The following ZZEF1 variants were observed in gnomAD, a reference collection of about 807,000 sequenced individuals.
ZZEF1 encodes zinc finger ZZ-type and EF-hand domain containing 1, also known as zinc finger ZZ-type and EF-hand domain-containing protein 1.
A neutral mutation model predicts 342.8 loss-of-function variants in ZZEF1; 157 were observed. That is an observed-to-expected ratio of 0.46 (90% confidence interval 0.40 to 0.52). The LOEUF (loss-of-function observed/expected upper bound fraction) is 0.52. Among genes scored for constraint, ZZEF1 ranks in the 20% least tolerant of loss-of-function variants. The probability of loss-of-function intolerance (pLI) is 0.00; values close to 1 mark genes in which losing one functional copy is unlikely to be tolerated. For missense variants in ZZEF1, 3,480 were observed against 3,725.6 expected (o/e 0.93, Z 1.72); for synonymous variants, 1,505 against 1,429.1 (o/e 1.05, Z -1.20).
intron 39 of ZZEF1, among the ~76,000 whole-genome samples, chr17:4,038,213 C>T (rs185811164): frequency 6.6e-5 from 10 of 152,110 alleles, no homozygotes; most frequent in Admixed American, 2.6e-4. Context: ...GAGTGTGAAC[C>T]GGTACAAACA....
At chr17:4,140,916 T>A (rs1249267486) in intron 1 of ZZEF1, among the ~76,000 whole-genome samples, 1 of 152,058 alleles carries the variant, frequency 6.6e-6, no homozygotes, top group Admixed American at 6.6e-5. Flanking sequence ...ATGACTTTTT[T>A]TTTTTTTTTT....
rs1018898349 is a variant in ZZEF1, at chr17:4,061,002, T to G, written c.4884-1712A>C. 6.6e-5 allele frequency among the ~76,000 whole-genome samples: 10 copies of G among 152,328 alleles called. 1 individual carries two copies. In the South Asian group the frequency reaches 1.7e-3, roughly 25 times the overall value. Reference sequence around the variant, plus strand: ...ATCTCTTTGAAACCCTCAGTTGACCTCACATCGCCCTCCAAAAACTTCCCC... The same window carrying G: ...ATCTCTTTGAAACCCTCAGTTGACCGCACATCGCCCTCCAAAAACTTCCCC... On this transcript the variant is annotated intron_variant, in intron 30 of 54. Transcript: ENST00000381638.
At position 4,067,239 on chromosome 17, in the gene ZZEF1, T is replaced by C. The variant is rs772663186; in HGVS notation, c.4079A>G (p.Asn1360Ser). The C allele has an allele frequency of 7.4e-6, 12 of 1,612,396 alleles. 1 individual carries two copies. In the South Asian group the frequency reaches 9.9e-5, roughly 13 times the overall value. The change falls in exon 27 of 55, where the codon AAC becomes AGC. Residue 1360 changes from asparagine to serine, a missense_variant. Physicochemically the swap from Asn to Ser is conservative, Grantham distance 46. This residue lies in a region of ZZEF1 where 1,528 missense variants were observed against 1,624.1 expected (regional missense o/e 0.94). Coordinates refer to ENST00000381638, the MANE Select transcript of ZZEF1 (RefSeq NM_015113.4). ...DLYEKLQKYV[N>S]SGGKIALSEE... The stretch of plus-strand genomic sequence containing the variant: ...ACTCAGGGCTATTTTGCCCCCACTG[T>C]TGACTGGGGAGAGAAGCAGAGATGG...
chr17:4,109,859 G>A lies in ZZEF1; in HGVS notation c.1071C>T (p.Val357=). 6.2e-7 allele frequency: 1 copy of A among 1,614,078 alleles called. No individual in the cohort carries two copies. The highest frequency in any genetic ancestry group is 8.5e-7 in the Non-Finnish European group (1 of 1,180,024). ...LENANVSQLY[V]QINIKRCLSD... is the part of the protein sequence containing the mutation. ...TAAGACAACGCTTTATGTTAATCTG[G>A]ACATCTGTCGAGCACAAACAAAAAA... is the stretch of plus-strand genomic sequence containing the variant. The change falls in exon 6 of 55, where the codon GTC becomes GTT. Residue 357 remains valine, a synonymous_variant. Coordinates refer to ENST00000381638, the MANE Select transcript of ZZEF1 (RefSeq NM_015113.4).
intron 1 of ZZEF1, among the ~76,000 whole-genome samples, chr17:4,131,835 A>T (rs2058667151): frequency 6.6e-6 from 1 of 152,176 alleles, no homozygotes; most frequent in Admixed American, 6.5e-5. Flanking sequence ...TAAAGAACTT[A>T]CATAATCATA....
At chr17:4,062,683 G>T in intron 30 of ZZEF1, 70 bp downstream of exon 30, 1 of 1,447,800 alleles carries the variant, frequency 6.9e-7, no homozygotes, top group South Asian at 1.4e-5. Flanking sequence ...CTATTAATCA[G>T]AGAAGATAAT....
intron 18 of ZZEF1, among the ~76,000 whole-genome samples, chr17:4,080,609 T>G (rs1158244361): frequency 6.6e-6 from 1 of 152,204 alleles, no homozygotes; most frequent in African/African-American, 2.4e-5. Flanking sequence ...AGGCTGGTCT[T>G]GAACTCCCGA....
chr17:4,098,363 C>T (rs2058074773), intron 9 of ZZEF1, among the ~76,000 whole-genome samples: 1 of 151,938 alleles, frequency 6.6e-6, no homozygotes, highest in Non-Finnish European at 1.5e-5. Context: ...AGTGAGCTAT[C>T]ATCACAACAC....
intron 13 of ZZEF1, among the ~76,000 whole-genome samples, chr17:4,087,903 A>G (rs979267578): frequency 1.3e-5 from 2 of 152,008 alleles, no homozygotes; most frequent in African/African-American, 4.8e-5. Flanking sequence ...GGACTGTACT[A>G]CAATATACTG....
At chr17:4,070,646 A>G in intron 26 of ZZEF1, 38 bp downstream of exon 26, 1 of 1,594,740 alleles carries the variant, frequency 6.3e-7, no homozygotes, top group Non-Finnish European at 8.5e-7. Context: ...CTTAGCAATT[A>G]GCCTTCAGAT....
rs11409167 is a variant in ZZEF1, at chr17:4,093,131, TA to T, written c.1914-2302del. ...GTGGTGAATAGGCCTCTATTTAGGT[TA>T]AAAAAAAATCATCCTGTATAAGATG... On this transcript the variant is annotated intron_variant, in intron 11 of 54. Transcript: ENST00000381638. Among the ~76,000 whole-genome samples the T allele has an allele frequency of 4.9e-3, 734 of 151,312 alleles. 5 individuals are homozygous for T. The highest frequency in any genetic ancestry group is 0.017 in the African/African-American group (712 of 41,232).
At chr17:4,038,759 T>C (rs181958098) in intron 39 of ZZEF1, among the ~76,000 whole-genome samples, 3 of 152,088 alleles carry the variant, frequency 2.0e-5, no homozygotes, top group East Asian at 1.9e-4. Context: ...TGAGCCGAGA[T>C]TGCTCCACTG....
chr17:4,079,084 C>T (rs1398314998), intron 18 of ZZEF1, among the ~76,000 whole-genome samples: 2 of 152,106 alleles, frequency 1.3e-5, no homozygotes, highest in African/African-American at 2.4e-5. Flanking sequence ...TACAATTATG[C>T]GAAATTCTCT....
intron 1 of ZZEF1, among the ~76,000 whole-genome samples, chr17:4,134,996 C>A (rs1463581982): frequency 2.0e-5 from 3 of 152,136 alleles, no homozygotes; most frequent in Non-Finnish European, 2.9e-5. Flanking sequence ...TGGAAAGGAA[C>A]AGGGCAGGTG....
In ZZEF1 at chr17:4,021,010, T is replaced by C. The variant is rs372687042; in HGVS notation, c.7404+119A>G. Reference sequence around the variant, plus strand: ...AACATAAGACTGAGTCTTTAGGAAGTGAATTCTCAGGACAGCAGACAGAAG... The same window carrying C: ...AACATAAGACTGAGTCTTTAGGAAGCGAATTCTCAGGACAGCAGACAGAAG... On this transcript the variant is annotated intron_variant, in intron 45 of 54. Coordinates refer to ENST00000381638, the MANE Select transcript of ZZEF1 (RefSeq NM_015113.4). The C allele has an allele frequency of 1.4e-4, 155 of 1,079,206 alleles. 1 individual carries two copies. The East Asian group carries it at 3.4e-3, about 24-fold the overall frequency. The allele number at this position is 1,079,206 out of a possible 1,614,324, so 66.9% of individuals were successfully genotyped here.
In ZZEF1 at chr17:4,008,566, C is replaced by G; in HGVS notation, c.8805+317G>C. 1 of 1,105,850 alleles carries G rather than the reference C, an allele frequency of 9.0e-7. No individual in the cohort carries two copies. The highest frequency in any genetic ancestry group is 1.1e-6 in the Non-Finnish European group (1 of 905,560). The allele number at this position is 1,105,850 out of a possible 1,614,324, so 68.5% of individuals were successfully genotyped here. ...GTTCCGCTACCAGAGAAGCAACTCA[C>G]ATCTAAAAATATGTGAAATCTAACT... is the stretch of plus-strand genomic sequence containing the variant. On this transcript the variant is annotated intron_variant, in intron 54 of 54. Coordinates refer to ENST00000381638, the MANE Select transcript of ZZEF1 (RefSeq NM_015113.4). This position sits in a 1 kb window ranked among gnomAD's most constrained non-coding sequence, Gnocchi z 4.2.
At chr17:4,099,531 G>A (rs2058091683) in intron 9 of ZZEF1, among the ~76,000 whole-genome samples, 1 of 151,220 alleles carries the variant, frequency 6.6e-6, no homozygotes, top group Admixed American at 6.6e-5. Flanking sequence ...CTAGCTCACA[G>A]GTTTGACTGT....
Position 4,112,738 on chromosome 17 carries a change from T to C in ZZEF1, c.937A>G (p.Met313Val), listed in dbSNP as rs980935525. 6.2e-7 allele frequency: 1 copy of C among 1,613,570 alleles called. No homozygotes were observed. Among genetic ancestry groups the C allele is most frequent in the East Asian group, 2.2e-5 (1 of 44,864 alleles). ...ACAGCTACTGTCACCTGCTGTGGCA[T>C]GTAGCTCTGGTCAGTGGCAGCCACT... ...IAVAATDQSY[M>V]PQQVTVAVGR... Residue 313 changes from methionine to valine, a missense_variant, in exon 5 of 55, where the codon ATG becomes GTG. Coordinates refer to ENST00000381638, the MANE Select transcript of ZZEF1 (RefSeq NM_015113.4).
At chr17:4,093,318 T>C (rs1301149017) in intron 11 of ZZEF1, among the ~76,000 whole-genome samples, 1 of 152,174 alleles carries the variant, frequency 6.6e-6, no homozygotes, top group Non-Finnish European at 1.5e-5. Context: ...AGGGAGATTT[T>C]AGGAGTGAAA....
Sources: gnomAD v4.1 joint callset for allele counts (sites outside exome capture counted in the v4.1 genomes callset) on GRCh38, gnomAD v4.1.1 for gene constraint, gnomAD v4.1.1 regional missense constraint, Gnocchi (gnomAD v3.1) non-coding constraint, MANE v1.5 for transcripts, NCBI Gene and HGNC (gene_info 2026-07-23, HGNC 2026-07-21) for gene names.